The following PRELID2 variants were observed in gnomAD, a reference collection of about 807,000 sequenced individuals.
The protein encoded by PRELID2 is PRELI domain containing 2.
In PRELID2, 25 loss-of-function variants were observed where a neutral mutation model predicts 28.4. The observed-to-expected ratio is 0.88, with a 90% CI of 0.64 to 1.23. The LOEUF is 1.23. PRELID2 is among the 50% of genes most tolerant of loss of function. The probability of loss-of-function intolerance (pLI) is 0.00; values close to 1 mark genes in which losing one functional copy is unlikely to be tolerated. For synonymous variants in PRELID2, 76 were observed against 71.6 expected (o/e 1.06, Z -0.31); for missense variants, 201 against 214.4 (o/e 0.94, Z 0.39).
the PRELID2 span, among the ~76,000 whole-genome samples, chr5:145,391,426 C>T: frequency 1.1e-3 from 170 of 152,334 alleles, no homozygotes; most frequent in African/African-American, 3.8e-3. Context: ...GCAGCTGGGA[C>T]TCAGGGCTGC....
At chr5:145,825,960 G>A (rs1755166435) in intron 1 of PRELID2, 2 of 914,986 alleles carry the variant, frequency 2.2e-6, no homozygotes, top group African/African-American at 1.8e-5. Flanking sequence ...AGTTGAAAGA[G>A]GGAAGGCTTC....
the PRELID2 span, among the ~76,000 whole-genome samples, chr5:145,395,688 T>C: frequency 6.6e-6 from 1 of 152,176 alleles, no homozygotes; most frequent in Non-Finnish European, 1.5e-5. Context: ...TCCACATTTG[T>C]TGTTATTTTT....
the PRELID2 span, among the ~76,000 whole-genome samples, chr5:145,232,165 G>A: frequency 1.3e-5 from 2 of 152,082 alleles, no homozygotes; most frequent in Non-Finnish European, 2.9e-5. Context: ...AGCATTCCCA[G>A]AGTACAGAAA....
intron 1 of PRELID2, among the ~76,000 whole-genome samples, chr5:145,649,689 C>G (rs147063564): frequency 2.0e-3 from 307 of 152,210 alleles, no homozygotes; most frequent in African/African-American, 6.9e-3. Flanking sequence ...TTTAAACTGT[C>G]CATTTAATTC....
At chr5:145,396,489 A>T in the PRELID2 span, among the ~76,000 whole-genome samples, 3 of 74,686 alleles carry the variant, frequency 4.0e-5, no homozygotes, top group African/African-American at 1.9e-4. Context: ...ACAGATTGTA[A>T]AAAAAAAAAA....
chr5:145,728,754 G>A, intron 1 of PRELID2: 1 of 1,437,452 alleles, frequency 7.0e-7, no homozygotes. Context: ...TGTTGTGAAG[G>A]CTTCATTTTG....
chr5:145,326,606 G>A, the PRELID2 span, among the ~76,000 whole-genome samples: 1 of 152,140 alleles, frequency 6.6e-6, no homozygotes. Context: ...ATAATAGTGA[G>A]TCTAGAAGAA....
chr5:145,693,488 G>T (rs554485601), intron 1 of PRELID2, among the ~76,000 whole-genome samples: 73 of 151,952 alleles, frequency 4.8e-4, no homozygotes, highest in African/African-American at 1.7e-3. Context: ...AGACAAATTA[G>T]CCAGGTGCAG....
chr5:145,348,334 G>C, the PRELID2 span, among the ~76,000 whole-genome samples: 1 of 152,024 alleles, frequency 6.6e-6, no homozygotes, highest in Non-Finnish European at 1.5e-5. Context: ...TTCCTAATCT[G>C]AGAGAATAAA....
the PRELID2 span, among the ~76,000 whole-genome samples, chr5:145,387,922 T>C: frequency 2.1e-5 from 3 of 145,636 alleles, no homozygotes; most frequent in Non-Finnish European, 4.5e-5. Context: ...AAAGACCCTG[T>C]CTCAAGACAG....
the PRELID2 span, among the ~76,000 whole-genome samples, chr5:145,441,553 TATC>T: frequency 6.6e-6 from 1 of 152,114 alleles, no homozygotes; most frequent in Non-Finnish European, 1.5e-5. Flanking sequence ...TTATCATAAT[TATC>T]ATAAGTCAGG....
the PRELID2 span, among the ~76,000 whole-genome samples, chr5:145,380,282 C>G: frequency 3.3e-5 from 5 of 152,246 alleles, no homozygotes; most frequent in African/African-American, 1.2e-4. Flanking sequence ...ACTTGGTAGC[C>G]CCATGCAGCA....
chr5:145,434,202 C>G, the PRELID2 span, among the ~76,000 whole-genome samples: 1 of 152,204 alleles, frequency 6.6e-6, no homozygotes, highest in Non-Finnish European at 1.5e-5. Flanking sequence ...AAACATTCCT[C>G]TTGCTTAGTT....
the PRELID2 span, among the ~76,000 whole-genome samples, chr5:145,315,546 GT>G: frequency 1.0e-3 from 13 of 12,872 alleles, 1 homozygote; most frequent in Admixed American, 3.1e-3. Context: ...CTCTTTCAGG[GT>G]GTGTGTGTGT....
the PRELID2 span, among the ~76,000 whole-genome samples, chr5:145,254,420 C>T: frequency 6.6e-6 from 1 of 152,080 alleles, no homozygotes; most frequent in Non-Finnish European, 1.5e-5. Context: ...CAAAACACTA[C>T]AAGTATGTGA....
chr5:145,522,860 G>A (rs551587568), intron 1 of PRELID2, among the ~76,000 whole-genome samples: 25 of 151,364 alleles, frequency 1.7e-4, no homozygotes, highest in Admixed American at 1.5e-3. Context: ...AAAAGAAGAA[G>A]GAGAAGAAAA....
At chr5:145,695,432 A>T (rs2149698629) in intron 1 of PRELID2, among the ~76,000 whole-genome samples, 1 of 152,344 alleles carries the variant, frequency 6.6e-6, no homozygotes. Context: ...AGGTAGAGAG[A>T]AGCCAGCTAA....
chr5:145,529,382 G>A lies in PRELID2; in HGVS notation n.71-56067C>T, dbSNP rs142961802. 2.2e-3 allele frequency among the ~76,000 whole-genome samples: 329 copies of A among 152,200 alleles called. 1 individual carries two copies. Among genetic ancestry groups the A allele is most frequent in the African/African-American group, 7.4e-3 (309 of 41,550 alleles). On this transcript the variant is annotated intron_variant and non_coding_transcript_variant, in intron 1 of 2. Transcript: ENST00000510259. ...TAACTCAGTCTTTCTCATTTTTCTT[G>A]GGTTGTTAAGACGGCATGAGAACAA...
At chr5:145,508,257 C>CAGACAGATAGATAGATAGATAGAT (rs147106499) in intron 1 of PRELID2, among the ~76,000 whole-genome samples, 3 of 149,504 alleles carry the variant, frequency 2.0e-5, no homozygotes, top group African/African-American at 7.4e-5. Flanking sequence ...TTTGCATAGA[C>CAGACAGATAGATAGATAGATAGAT]AGATAGATAG....
Sources: allele counts gnomAD v4.1 joint callset (sites outside exome capture counted in the v4.1 genomes callset), GRCh38; gene constraint gnomAD v4.1.1; transcripts MANE v1.5; gene names NCBI Gene and HGNC (gene_info 2026-07-23, HGNC 2026-07-21).